EYA4: variants seen among roughly 807,000 people sequenced by gnomAD.
EYA4 encodes EYA transcriptional coactivator and phosphatase 4, also known as protein phosphatase EYA4.
In EYA4, 31 loss-of-function variants were observed where a neutral mutation model predicts 87.9. The observed-to-expected ratio is 0.35, with a 90% CI of 0.27 to 0.48. The LOEUF (loss-of-function observed/expected upper bound fraction) is 0.48. Among genes scored for constraint, EYA4 ranks in the 20% least tolerant of loss-of-function variants. The pLI is 0.99. For missense variants in EYA4, 678 were observed against 761.4 expected, an observed-to-expected ratio of 0.89 and a Z score of 1.29; for synonymous variants, 263 against 270.6, an observed-to-expected ratio of 0.97 and a Z score of 0.28.
At chr6:133,365,883 G>A (rs569079892) in intron 2 of EYA4, among the ~76,000 whole-genome samples, 87 of 152,258 alleles carry the variant, frequency 5.7e-4, no homozygotes, top group African/African-American at 1.8e-3. Flanking sequence ...CTAAGAATTG[G>A]CTAGCTCTGG....
intron 2 of EYA4, among the ~76,000 whole-genome samples, chr6:133,344,007 T>C (rs1783012302): frequency 6.6e-6 from 1 of 152,170 alleles, no homozygotes; most frequent in Non-Finnish European, 1.5e-5. Flanking sequence ...AATCATTACT[T>C]TGGTGATGTT....
intron 3 of EYA4, among the ~76,000 whole-genome samples, chr6:133,442,134 A>T (rs941289276): frequency 6.6e-6 from 1 of 152,110 alleles, no homozygotes; most frequent in South Asian, 2.1e-4. Flanking sequence ...CACTTGGGTC[A>T]TAAACAGGTC....
chr6:133,397,749 G>A (rs890156936), intron 3 of EYA4, among the ~76,000 whole-genome samples: 10 of 152,194 alleles, frequency 6.6e-5, no homozygotes, highest in African/African-American at 2.4e-4. Context: ...CCACGTGCCT[G>A]GGGAGGCCTC....
At chr6:133,382,515 G>T in intron 3 of EYA4, 74 bp downstream of exon 3, 1 of 970,152 alleles carries the variant, frequency 1.0e-6, no homozygotes, top group South Asian at 1.3e-5. Flanking sequence ...TGTTATACCT[G>T]AGACACAATT....
At chr6:133,429,637 G>T (rs1171139785) in intron 3 of EYA4, among the ~76,000 whole-genome samples, 1 of 152,070 alleles carries the variant, frequency 6.6e-6, no homozygotes, top group East Asian at 1.9e-4. Context: ...AGAATCAGGG[G>T]TTTCTTTTTT....
intron 3 of EYA4, among the ~76,000 whole-genome samples, chr6:133,413,416 T>C (rs1272379556): frequency 6.7e-6 from 1 of 149,866 alleles, no homozygotes; most frequent in Non-Finnish European, 1.5e-5. Context: ...ACTTTTGTGT[T>C]AACCCAGTGA....
intron 13 of EYA4, among the ~76,000 whole-genome samples, chr6:133,483,698 GTTA>G (rs71545064): frequency 0.1 from 13,924 of 134,176 alleles, 764 homozygotes; most frequent in Non-Finnish European, 0.14. Flanking sequence ...TTATTTCATT[GTTA>G]TTATTATTAT....
At position 133,382,395 on chromosome 6, in the gene EYA4, A is replaced by G. The variant is rs1786297235; in HGVS notation, c.37A>G (p.Lys13Glu). The part of the protein sequence containing the change: ...DSQDLNEQSV[K>E]KTCTESDVSQ... ...AACTAGTACTCTTTTCTTACAGGTA[A>G]AGAAAACGTGCACAGAATCAGATGT... The change falls in exon 3 of 20, where the codon AAG becomes GAG. Residue 13 changes from lysine (K) to glutamate (E), a missense_variant. Lys to Glu is a moderately conservative substitution (Grantham distance 56, BLOSUM62 1). Transcript: ENST00000355286. The G allele has an allele frequency of 1.9e-6, 3 of 1,608,322 alleles. No homozygotes were observed. The highest frequency in any genetic ancestry group is 1.3e-5 in the African/African-American group (1 of 74,920).
In EYA4 at chr6:133,528,782, G is replaced by C; in HGVS notation, c.1897G>C (p.Ala633Pro). The stretch of plus-strand genomic sequence containing the variant: ...CTCAGACCTCCTGGCTCTCCACCAA[G>C]CACTGGAATTAGAGTATTTGTAACT... ...SHSDLLALHQ[A>P]LELEYL Residue 633 changes from alanine to proline, a missense_variant, in exon 20 of 20, where the codon GCA (alanine) becomes CCA (proline). Physicochemically the swap from Ala to Pro is conservative, Grantham distance 27 (BLOSUM62 -1). Transcript: ENST00000355286. 6.2e-7 allele frequency: 1 copy of C among 1,613,638 alleles called. No individual in the cohort carries two copies. The highest frequency in any genetic ancestry group is 1.3e-5 in the African/African-American group (1 of 74,982).
intron 2 of EYA4, among the ~76,000 whole-genome samples, chr6:133,296,048 G>C (rs1778921298): frequency 6.6e-6 from 1 of 152,148 alleles, no homozygotes; most frequent in Non-Finnish European, 1.5e-5. Flanking sequence ...ATCAGGGAAG[G>C]CTCCTTCTGT....
intron 3 of EYA4, among the ~76,000 whole-genome samples, chr6:133,385,397 GTGTGT>G (rs1786647552): frequency 1.9e-5 from 1 of 53,528 alleles, no homozygotes. Context: ...CTCTCTGTGT[GTGTGT>G]GTGTGTGTGT....
chr6:133,273,581 T>C (rs780956288), intron 1 of EYA4, among the ~76,000 whole-genome samples: 11 of 152,258 alleles, frequency 7.2e-5, no homozygotes, highest in Non-Finnish European at 1.3e-4. Context: ...TCAGTAGATA[T>C]TTCTTGAAAT....
intron 2 of EYA4, among the ~76,000 whole-genome samples, chr6:133,285,302 T>C (rs1207622324): frequency 6.6e-6 from 1 of 152,070 alleles, no homozygotes; most frequent in Admixed American, 6.5e-5. Context: ...ACTGAGAAGA[T>C]GTTGTGCAAA....
In EYA4 at chr6:133,528,840, T is replaced by A. The variant is rs780675614; in HGVS notation, c.*35T>A. 2 of 1,612,376 alleles carry A rather than the reference T, an allele frequency of 1.2e-6. No homozygotes were observed. The highest frequency in any genetic ancestry group is 1.7e-6 in the Non-Finnish European group (2 of 1,178,618). ...TTAGCCGGAGATCCATTTTTTATAT[T>A]TCAAGTACACTGAATTTTTATGTGT... On this transcript the variant is annotated 3_prime_UTR_variant, in exon 20 of 20. Transcript: ENST00000355286.
chr6:133,329,143 T>C (rs1781724915), intron 2 of EYA4, among the ~76,000 whole-genome samples: 1 of 152,146 alleles, frequency 6.6e-6, no homozygotes, highest in Non-Finnish European at 1.5e-5. Context: ...TTAATTCTAG[T>C]AAAATATGAT....
chr6:133,367,775 T>C lies in EYA4; in HGVS notation c.34-14617T>C, dbSNP rs531924094. Among the ~76,000 whole-genome samples, 3 of 152,344 alleles carry C rather than the reference T, an allele frequency of 2.0e-5. No homozygotes were observed. In the South Asian group the frequency reaches 6.2e-4, roughly 32 times the overall value. On this transcript the variant is annotated intron_variant, in intron 2 of 19. Transcript: ENST00000355286. ...TTGATTTTGGCTATCTTATTAACTATTAATAATTCGTACCTACAGGATGTC... is the reference window on the plus strand; with the variant it reads ...TTGATTTTGGCTATCTTATTAACTACTAATAATTCGTACCTACAGGATGTC...
chr6:133,299,488 G>A (rs77170047), intron 2 of EYA4, among the ~76,000 whole-genome samples: 2,474 of 151,934 alleles, frequency 0.016, 68 homozygotes, highest in East Asian at 0.072. Context: ...GAGGTGGGTG[G>A]ATCACGAGGT....
rs368491657 is a variant in EYA4, at chr6:133,298,117, G to A, written c.33+23304G>A. The stretch of plus-strand genomic sequence containing the variant: ...CTCATGGATCATTTTTTAATTTGAC[G>A]TGTTATACTTCTTTACTATGATAAT... On this transcript the variant is annotated intron_variant, in intron 2 of 19. Transcript: ENST00000355286. Among the ~76,000 whole-genome samples the A allele has an allele frequency of 2.8e-4, 43 of 151,682 alleles. No homozygotes were observed. In the South Asian group the frequency reaches 6.7e-3, roughly 23 times the overall value.
chr6:133,442,391 C>A (rs13205584), intron 3 of EYA4, among the ~76,000 whole-genome samples: 1,603 of 152,196 alleles, frequency 0.011, 12 homozygotes, highest in Non-Finnish European at 0.017. Context: ...TATGATTAGC[C>A]CAACTTCCAT....
Sources: gnomAD v4.1 joint callset for allele counts (sites outside exome capture counted in the v4.1 genomes callset) on GRCh38, gnomAD v4.1.1 for gene constraint, MANE v1.5 for transcripts, NCBI Gene and HGNC (gene_info 2026-07-23, HGNC 2026-07-21) for gene names.